CUL3: variants seen among roughly 807,000 people sequenced by gnomAD.
The protein encoded by CUL3 is cullin 3, also known as cullin-3.
Under a neutral mutation model 89.1 loss-of-function variants are expected in CUL3, and 19 were observed. That is an observed-to-expected ratio of 0.21 (90% CI 0.15 to 0.31). CUL3 has a LOEUF of 0.31. CUL3 is among the 10% of genes least tolerant of loss of function. The pLI, the probability that CUL3 is intolerant of heterozygous loss-of-function variation, is 1.00. For missense variants in CUL3, 469 were observed against 942.3 expected (o/e 0.50, Z 6.58); for synonymous variants, 351 against 308.4 (o/e 1.14, Z -1.45).
At chr2:224,534,870 G>A (rs1251908573) in intron 3 of CUL3, among the ~76,000 whole-genome samples, 1 of 151,602 alleles carries the variant, frequency 6.6e-6, no homozygotes, top group East Asian at 2.0e-4. Flanking sequence ...GCGTGGTGAC[G>A]GGCACCTGTA....
chr2:224,522,228 A>C (rs1693293297), intron 3 of CUL3, among the ~76,000 whole-genome samples: 2 of 152,198 alleles, frequency 1.3e-5, no homozygotes, highest in South Asian at 4.1e-4. Flanking sequence ...ATACAGATTT[A>C]AAAAGGTTTA....
At chr2:224,572,632 A>G (rs1027035207) in intron 1 of CUL3, among the ~76,000 whole-genome samples, 1,826 of 39,852 alleles carry the variant, frequency 0.046, 48 homozygotes, top group African/African-American at 0.17. Context: ...GAGTGAGAGA[A>G]AAAAAAAAAA....
At chr2:224,502,834 TCA>T (rs2106193822) in intron 10 of CUL3, 129 bp downstream of exon 10, 1 of 649,246 alleles carries the variant, frequency 1.5e-6, no homozygotes, top group African/African-American at 1.8e-5. Context: ...AATTAAGTAC[TCA>T]CAGATAAAAC....
intron 2 of CUL3, among the ~76,000 whole-genome samples, chr2:224,540,451 G>A (rs1253127229): frequency 6.6e-6 from 1 of 151,344 alleles, no homozygotes; most frequent in African/African-American, 2.4e-5. Context: ...GGAGGAAGAA[G>A]AAAGAAAGAA....
intron 1 of CUL3, among the ~76,000 whole-genome samples, chr2:224,573,413 C>T (rs918872663): frequency 6.6e-6 from 1 of 152,178 alleles, no homozygotes; most frequent in Admixed American, 6.5e-5. Context: ...CAAGTCAATA[C>T]ACACTAAGGT....
chr2:224,502,910 C>A (rs2106193951), intron 10 of CUL3, 55 bp downstream of exon 10: 5 of 1,190,622 alleles, frequency 4.2e-6, no homozygotes, highest in South Asian at 2.5e-5. Flanking sequence ...GAAAATATAC[C>A]CATTACAAAA....
In CUL3 at chr2:224,482,588, G is replaced by GA. The variant is rs1203272969; in HGVS notation, c.1843-511dup. Among the ~76,000 whole-genome samples the GA allele has an allele frequency of 1.7e-3, 237 of 141,722 alleles. 1 individual carries two copies. The highest frequency in any genetic ancestry group is 0.011 in the Middle Eastern group (3 of 270). The allele number at this position is 141,722 out of a possible 152,430, so 93.0% of individuals were successfully genotyped here. On this transcript the variant is annotated intron_variant, in intron 13 of 15. Transcript: ENST00000264414. Reference sequence around the variant, plus strand: ...ATGTATGCTTCTATGACCAAATGAAGAAAAAAAAAAACCTGGAATTACATT... The same window carrying GA: ...ATGTATGCTTCTATGACCAAATGAAGAAAAAAAAAAAACCTGGAATTACATT...
intron 14 of CUL3, among the ~76,000 whole-genome samples, chr2:224,480,643 AACAAAG>A (rs1691505559): frequency 6.6e-6 from 1 of 152,192 alleles, no homozygotes; most frequent in Non-Finnish European, 1.5e-5. Flanking sequence ...AATCTGGGAT[AACAAAG>A]ACAGTTACTT....
chr2:224,562,524 G>A (rs1414651597), intron 1 of CUL3, among the ~76,000 whole-genome samples: 2 of 151,732 alleles, frequency 1.3e-5, no homozygotes, highest in African/African-American at 4.8e-5. Context: ...TGTAATCCCA[G>A]CTACAGGGGA....
chr2:224,532,400 C>T (rs575515930), intron 3 of CUL3, among the ~76,000 whole-genome samples: 3 of 148,576 alleles, frequency 2.0e-5, no homozygotes, highest in South Asian at 2.1e-4. Context: ...TTCTTTGTTA[C>T]AGAAATCAAG....
intron 15 of CUL3, 149 bp from the exon 16 acceptor site, chr2:224,474,525 G>T (rs1049317704): frequency 1.6e-6 from 1 of 627,304 alleles, no homozygotes; most frequent in Non-Finnish European, 2.7e-6. Context: ...AAAAGGTTCT[G>T]TTTGAAAATG....
intron 2 of CUL3, among the ~76,000 whole-genome samples, chr2:224,542,961 A>C (rs899328874): frequency 6.6e-6 from 1 of 152,214 alleles, no homozygotes; most frequent in Non-Finnish European, 1.5e-5. Context: ...GGCTAGCTGG[A>C]GAGCTGAAGG....
At chr2:224,546,677 T>A (rs1259316834) in intron 2 of CUL3, among the ~76,000 whole-genome samples, 3 of 143,666 alleles carry the variant, frequency 2.1e-5, no homozygotes, top group Non-Finnish European at 3.1e-5. Flanking sequence ...TGGGGGGGGG[T>A]ACTTGCCCTC....
chr2:224,505,004 A>G lies in CUL3; in HGVS notation c.1206+952T>C, dbSNP rs556574605. Among the ~76,000 whole-genome samples, 6 of 152,284 alleles carry G rather than the reference A, an allele frequency of 3.9e-5. No individual in the cohort carries two copies. In the East Asian group the frequency reaches 1.2e-3, roughly 29 times the overall value. The stretch of plus-strand genomic sequence containing the variant: ...ATTCTTGGCATCCAATTATTGTTTG[A>G]CATATAACCTTCAGAACCAGATGAG... On this transcript the variant is annotated intron_variant, in intron 8 of 15. Coordinates refer to ENST00000264414, the MANE Select transcript of CUL3 (RefSeq NM_003590.5).
At chr2:224,492,096 T>A (rs929119116) in intron 13 of CUL3, among the ~76,000 whole-genome samples, 9 of 152,210 alleles carry the variant, frequency 5.9e-5, no homozygotes, top group African/African-American at 2.2e-4. Flanking sequence ...TTTTGTATTT[T>A]CCTTGCTCAG....
At chr2:224,502,091 T>C (rs1423685426) in intron 10 of CUL3, among the ~76,000 whole-genome samples, 2 of 152,200 alleles carry the variant, frequency 1.3e-5, no homozygotes, top group Non-Finnish European at 2.9e-5. Context: ...ATACAACTAT[T>C]TACATTAGAG....
At chr2:224,535,868 T>G (rs1693879780) in intron 2 of CUL3, among the ~76,000 whole-genome samples, 1 of 152,206 alleles carries the variant, frequency 6.6e-6, no homozygotes, top group African/African-American at 2.4e-5. Context: ...ATAAATCAAC[T>G]TCCTAGGTAT....
chr2:224,582,421 A>G lies in CUL3; in HGVS notation c.66+2523T>C, dbSNP rs557729657. Among the ~76,000 whole-genome samples, 7 of 152,358 alleles carry G rather than the reference A, an allele frequency of 4.6e-5. No homozygotes were observed. The South Asian group carries it at 1.4e-3, about 32-fold the overall frequency. On this transcript the variant is annotated intron_variant, in intron 1 of 15. Coordinates refer to ENST00000264414, the MANE Select transcript of CUL3 (RefSeq NM_003590.5). ...AGATAAATCTATGAAACACCCTAACACTGAGATATACATCTATCTGTAACA... is the reference window on the plus strand; with the variant it reads ...AGATAAATCTATGAAACACCCTAACGCTGAGATATACATCTATCTGTAACA...
At chr2:224,570,063 C>T (rs1369145846) in intron 1 of CUL3, among the ~76,000 whole-genome samples, 1 of 151,522 alleles carries the variant, frequency 6.6e-6, no homozygotes, top group Non-Finnish European at 1.5e-5. Flanking sequence ...AGCTCCCTCC[C>T]AAACTGTAAG....
Sources: allele counts gnomAD v4.1 joint callset (sites outside exome capture counted in the v4.1 genomes callset), GRCh38; gene constraint gnomAD v4.1.1; transcripts MANE v1.5; gene names NCBI Gene and HGNC (gene_info 2026-07-23, HGNC 2026-07-21).